TSHZ3: variants seen among roughly 807,000 people sequenced by gnomAD.
TSHZ3 encodes the protein teashirt zinc finger homeobox 3.
A neutral mutation model predicts 64.5 loss-of-function variants in TSHZ3; 10 were observed. That is an observed-to-expected ratio of 0.16 (90% CI 0.10 to 0.26). The LOEUF (loss-of-function observed/expected upper bound fraction) is 0.26, where lower values mean the gene tolerates loss of function less well. TSHZ3 is among the 10% of genes least tolerant of loss of function. The probability of loss-of-function intolerance (pLI) is 1.00; values close to 1 mark genes in which losing one functional copy is unlikely to be tolerated. For missense variants in TSHZ3, 1,242 were observed against 1,421.7 expected (o/e 0.87, Z 2.03); for synonymous variants, 608 against 593.1 (o/e 1.03, Z -0.36).
At chr19:31,325,846 A>G (rs1916916473) in intron 1 of TSHZ3, among the ~76,000 whole-genome samples, 1 of 152,208 alleles carries the variant, frequency 6.6e-6, no homozygotes, top group Non-Finnish European at 1.5e-5. Flanking sequence ...AGTATAAGGC[A>G]GCTCTGTGCA....
chr19:31,219,369 T>C (rs1052982790), intron 4 of TSHZ3, among the ~76,000 whole-genome samples: 1 of 152,142 alleles, frequency 6.6e-6, no homozygotes, highest in Non-Finnish European at 1.5e-5. Context: ...CAGAAGTTCA[T>C]TTTTCTTATC....
Position 31,156,502 on chromosome 19 carries a change from A to T in TSHZ3, n.810-85T>A, listed in dbSNP as rs368355701. Among the ~76,000 whole-genome samples, 102 of 152,324 alleles carry T rather than the reference A, an allele frequency of 6.7e-4. No individual in the cohort carries two copies. The South Asian group carries it at 0.021, about 31-fold the overall frequency. ...TCGGTCGGGAGCAGGAGCAGATATC[A>T]GCCACCCAGGGCATCTATTTAAAGT... is the stretch of plus-strand genomic sequence containing the variant. On this transcript the variant is annotated intron_variant and non_coding_transcript_variant, in intron 5 of 6. Coordinates refer to the TSHZ3 transcript ENST00000651361.
chr19:31,182,212 C>T (rs148086361), intron 5 of TSHZ3, among the ~76,000 whole-genome samples: 3,360 of 152,290 alleles, frequency 0.022, 45 homozygotes, highest in Non-Finnish European at 0.032. Flanking sequence ...GCATTGAGAG[C>T]AGGTTCAAGC....
chr19:31,250,606 A>G (rs1975826960), intron 1 of TSHZ3, among the ~76,000 whole-genome samples: 1 of 152,240 alleles, frequency 6.6e-6, no homozygotes, highest in South Asian at 2.1e-4. Flanking sequence ...TAAGTGGAAT[A>G]CGCTAAGTAT....
rs114167183 is a variant in TSHZ3, at chr19:31,224,897, A to G, written n.686+3108T>C. On this transcript the variant is annotated intron_variant and non_coding_transcript_variant, in intron 4 of 6. Transcript: ENST00000651361. ...ATAAAGTCCAATGTGAATTTCTTAA[A>G]TGGCAAATTACCAGCCAGGATGAAC... Among the ~76,000 whole-genome samples the G allele has an allele frequency of 6.8e-3, 1,033 of 152,318 alleles. 16 individuals are homozygous for G. The highest frequency in any genetic ancestry group is 0.024 in the African/African-American group (989 of 41,576).
At chr19:31,330,482 G>A (rs374448649) in intron 1 of TSHZ3, among the ~76,000 whole-genome samples, 1 of 152,306 alleles carries the variant, frequency 6.6e-6, no homozygotes, top group Non-Finnish European at 1.5e-5. Context: ...CAGGTCAGTG[G>A]CCACAGCAGC....
At chr19:31,272,785 C>T (rs182815544), downstream of TSHZ3, among the ~76,000 whole-genome samples, 14 of 152,294 alleles carry the variant, frequency 9.2e-5, no homozygotes, top group East Asian at 2.7e-3. Context: ...ATACTGCGTA[C>T]ATGTGATGGT....
At chr19:31,271,533 A>G (rs1976138162), downstream of TSHZ3, among the ~76,000 whole-genome samples, 1 of 152,196 alleles carries the variant, frequency 6.6e-6, no homozygotes, top group Non-Finnish European at 1.5e-5. Context: ...CTGAAGCTTT[A>G]TGCTAAGACA....
At chr19:31,342,917 T>C (rs1917479269) in intron 1 of TSHZ3, among the ~76,000 whole-genome samples, 1 of 152,240 alleles carries the variant, frequency 6.6e-6, no homozygotes, top group Non-Finnish European at 1.5e-5. Context: ...AGGGATGGTT[T>C]GCCTTCGGAT....
At chr19:31,176,041 A>G (rs1190988895) in intron 5 of TSHZ3, among the ~76,000 whole-genome samples, 2 of 152,166 alleles carry the variant, frequency 1.3e-5, no homozygotes, top group East Asian at 3.9e-4. Flanking sequence ...TCTGAGGGGA[A>G]AGTTCTGTGT....
At chr19:31,176,555 A>T (rs1046545428) in intron 5 of TSHZ3, among the ~76,000 whole-genome samples, 6 of 152,198 alleles carry the variant, frequency 3.9e-5, no homozygotes, top group African/African-American at 1.4e-4. Flanking sequence ...GCACTTTGGG[A>T]GGCCAAGTGG....
rs66486677 is a variant in TSHZ3 at position 31,201,006 on chromosome 19, G to GA, written n.809+3949dup. On this transcript the variant is annotated intron_variant and non_coding_transcript_variant, in intron 5 of 6. Coordinates refer to the TSHZ3 transcript ENST00000651361. ...TAATTAAAGCAGTGTGGTGTCAGGG[G>GA]AAAAAAATGTAGACAAATCAGTTAA... Among the ~76,000 whole-genome samples, 6 of 152,002 alleles carry GA rather than the reference G, an allele frequency of 3.9e-5. No individual in the cohort carries two copies. The East Asian group carries it at 7.7e-4, about 20-fold the overall frequency.
At chr19:31,242,286 G>T (rs540690332) in exon 3 of TSHZ3, among the ~76,000 whole-genome samples, 5 of 152,298 alleles carry the variant, frequency 3.3e-5, no homozygotes, top group Non-Finnish European at 7.4e-5. Flanking sequence ...TGGAGGCTGA[G>T]AAGTCCTACA....
chr19:31,281,555 T>C (rs1006453355), intron 1 of TSHZ3, among the ~76,000 whole-genome samples: 4 of 152,174 alleles, frequency 2.6e-5, no homozygotes, highest in Non-Finnish European at 5.9e-5. Context: ...TGCAGTCAGC[T>C]GAGTGTGAAG....
At chr19:31,268,460 G>T (rs1976086741) in intron 1 of TSHZ3, among the ~76,000 whole-genome samples, 1 of 152,068 alleles carries the variant, frequency 6.6e-6, no homozygotes, top group East Asian at 1.9e-4. Context: ...GGCTGGGAGG[G>T]TTGGGTAAGG....
chr19:31,279,014 C>T lies in TSHZ3; in HGVS notation c.779G>A (p.Arg260His), dbSNP rs1278628782. The T allele has an allele frequency of 1.2e-6, 2 of 1,613,842 alleles. No homozygotes were observed. Among genetic ancestry groups the T allele is most frequent in the Non-Finnish European group, 1.7e-6 (2 of 1,179,776 alleles). The change falls in exon 2 of 2, where the codon CGC (arginine) becomes CAC (histidine). Residue 260 changes from arginine (R) to histidine (H), a missense_variant. Physicochemically the swap from Arg to His is conservative, Grantham distance 29. Transcript: ENST00000240587. The surrounding 1 kb of genome is among the most constrained non-coding windows in gnomAD (Gnocchi z 6.4). ...NPKRWSKPRK[R>H]SLLEMEGKED... ...CTTCCCTTCCATTTCCAGCAAGGAG[C>T]GTTTGCGAGGCTTGGACCAGCGCTT...
chr19:31,159,721 C>G (rs1363970619), intron 5 of TSHZ3, among the ~76,000 whole-genome samples: 2 of 151,392 alleles, frequency 1.3e-5, no homozygotes, highest in Non-Finnish European at 2.9e-5. Context: ...CAGATAGGTT[C>G]TCATTCTGTC....
chr19:31,192,804 T>A (rs1432062899), intron 5 of TSHZ3, among the ~76,000 whole-genome samples: 1 of 152,118 alleles, frequency 6.6e-6, no homozygotes. Flanking sequence ...ATCCCTGGGG[T>A]ATATAAAGTT....
chr19:31,239,913 A>T (rs1394975445), intron 3 of TSHZ3, among the ~76,000 whole-genome samples: 1 of 152,180 alleles, frequency 6.6e-6, no homozygotes, highest in Non-Finnish European at 1.5e-5. Flanking sequence ...TGAAAAGTCA[A>T]CAGTAAGTTA....
Sources: gnomAD v4.1 joint callset for allele counts (sites outside exome capture counted in the v4.1 genomes callset) on GRCh38, gnomAD v4.1.1 for gene constraint, Gnocchi (gnomAD v3.1) non-coding constraint, MANE v1.5 for transcripts, NCBI Gene and HGNC (gene_info 2026-07-23, HGNC 2026-07-21) for gene names.